The following DNAH5 variants were observed in gnomAD, a reference collection of about 807,000 sequenced individuals.
The protein encoded by DNAH5 is axonemal beta dynein heavy chain 5.
Under a neutral mutation model 518.2 loss-of-function variants are expected in DNAH5, and 372 were observed. That is an observed-to-expected ratio of 0.72 (90% CI 0.66 to 0.78). DNAH5 has a LOEUF of 0.78. Ranked by LOEUF, DNAH5 falls within the 30% of genes least tolerant of loss-of-function variation. The pLI, the probability that DNAH5 is intolerant of heterozygous loss-of-function variation, is 0.00. For synonymous variants in DNAH5, 2,039 were observed against 2,025.9 expected (o/e 1.01, Z -0.17); for missense variants, 5,523 against 5,687.0 (o/e 0.97, Z 0.93).
Position 13,913,945 on chromosome 5 carries a change from C to T in DNAH5, c.1334G>A (p.Cys445Tyr). ...AIKLKQEYQL[C>Y]FHKTKQKLKQ... ...AAGCTTTTGTTTTGTCTTGTGAAAG[C>T]AGAGCTGGTATTCCTTAAAATCAAA... The change falls in exon 11 of 79, where the codon TGC becomes TAC. Residue 445 changes from cysteine (C) to tyrosine (Y), a missense_variant. This residue lies in a region of DNAH5 where 5,121 missense variants were observed against 5,223.3 expected (regional missense o/e 0.98). Coordinates refer to ENST00000265104, the MANE Select transcript of DNAH5 (RefSeq NM_001369.3). 1 of 1,612,914 alleles carries T rather than the reference C, an allele frequency of 6.2e-7. No homozygotes were observed. The highest frequency in any genetic ancestry group is 8.5e-7 in the Non-Finnish European group (1 of 1,179,176).
At chr5:13,901,133 C>T (rs1774544895) in intron 14 of DNAH5, 119 bp downstream of exon 14, 1 of 1,024,380 alleles carries the variant, frequency 9.8e-7, no homozygotes, top group Non-Finnish European at 1.5e-6. Context: ...TTAGATTCAA[C>T]CCATCTGCCT....
rs368959723 is a variant in DNAH5 at position 13,753,316 on chromosome 5, C to G, written c.10789G>C (p.Ala3597Pro). 4 of 1,613,612 alleles carry G rather than the reference C, an allele frequency of 2.5e-6. No individual in the cohort carries two copies. The highest frequency in any genetic ancestry group is 1.3e-5 in the African/African-American group (1 of 74,892). ...SIQNGIIVTK[A>P]SRYPLLIDPQ... ...TCAATTAACAAAGGGTAACGAGATG[C>G]CTTCGTGACAATAATTCCATTTTGA... Residue 3597 changes from alanine (A) to proline (P), a missense_variant, in exon 63 of 79, where the codon GCA becomes CCA. Around this residue, in one of 3 missense-constraint regions of DNAH5, gnomAD observed 5,121 missense variants for 5,223.3 expected, o/e 0.98. Transcript: ENST00000265104.
chr5:13,807,705 T>C lies in DNAH5; in HGVS notation c.7773A>G (p.Glu2591=). 1 of 1,607,804 alleles carries C rather than the reference T, an allele frequency of 6.2e-7. No individual in the cohort carries two copies. Among genetic ancestry groups the C allele is most frequent in the Non-Finnish European group, 8.5e-7 (1 of 1,175,988 alleles). ...KQGKAVLLIG[E]QGTAKTVIIK... is the part of the protein sequence containing the mutation. ...TTATTACTGTTTTGGCTGTTCCTTG[T>C]TCACCAATTAATAGCACAGCCTAAA... is the stretch of plus-strand genomic sequence containing the variant. The change falls in exon 47 of 79, where the codon GAA becomes GAG. Residue 2591 remains glutamate (E), a synonymous_variant. Coordinates refer to ENST00000265104, the MANE Select transcript of DNAH5 (RefSeq NM_001369.3).
intron 47 of DNAH5, among the ~76,000 whole-genome samples, chr5:13,796,211 A>G (rs1431146459): frequency 6.6e-6 from 1 of 152,200 alleles, no homozygotes; most frequent in Non-Finnish European, 1.5e-5. Flanking sequence ...GCAATCAGGA[A>G]AGAGAAAGAA....
At chr5:13,777,834 C>T (rs1449077407) in intron 53 of DNAH5, among the ~76,000 whole-genome samples, 1 of 152,140 alleles carries the variant, frequency 6.6e-6, no homozygotes, top group Non-Finnish European at 1.5e-5. Context: ...ATCATCATTG[C>T]ATGTTTGTAT....
At chr5:13,777,498 T>C in intron 53 of DNAH5, 143 bp from the exon 54 acceptor site, 1 of 618,300 alleles carries the variant, frequency 1.6e-6, no homozygotes, top group East Asian at 2.8e-5. Flanking sequence ...ATATGAATGT[T>C]ACTGGTTAAT....
chr5:13,811,607 T>C (rs1760724938), intron 44 of DNAH5, 40 bp downstream of exon 44: 2 of 1,589,714 alleles, frequency 1.3e-6, no homozygotes, highest in African/African-American at 2.7e-5. Flanking sequence ...CATGGCTAAG[T>C]TGATAAGAGA....
intron 1 of DNAH5, among the ~76,000 whole-genome samples, chr5:13,972,333 C>T (rs1781933034): frequency 6.6e-6 from 1 of 152,166 alleles, no homozygotes; most frequent in African/African-American, 2.4e-5. Flanking sequence ...CCCTGTTCAC[C>T]CCTTCCCCGG....
Position 13,921,466 on chromosome 5 carries a change from A to ATCTC in DNAH5, c.660+637_660+640dup, listed in dbSNP as rs147710238. Among the ~76,000 whole-genome samples, 101 of 73,006 alleles carry ATCTC rather than the reference A, an allele frequency of 1.4e-3. 2 individuals are homozygous for ATCTC. In the South Asian group the frequency reaches 0.019, roughly 14 times the overall value. The allele number at this position is 73,006 out of a possible 152,430, so 47.9% of individuals were successfully genotyped here. ...TCTCTCTCTCTCTCTCTCTTGCTCT[A>ATCTC]TCTCTCTCTCACACACACACACACA... On this transcript the variant is annotated intron_variant, in intron 5 of 78. Transcript: ENST00000265104.
At chr5:13,972,611 G>A (rs996052820) in intron 1 of DNAH5, among the ~76,000 whole-genome samples, 2 of 152,190 alleles carry the variant, frequency 1.3e-5, no homozygotes, top group African/African-American at 4.8e-5. Context: ...TGGACCTTCA[G>A]GTTCCGCAGT....
Position 13,727,523 on chromosome 5 carries a change from T to C in DNAH5, c.12017A>G (p.Asp4006Gly). Residue 4006 changes from aspartate (D) to glycine (G), a missense_variant, in exon 70 of 79, where the codon GAC becomes GGC. By Grantham distance (94) the Asp-to-Gly change is moderately conservative. This residue lies in a region of DNAH5 where 5,121 missense variants were observed against 5,223.3 expected (regional missense o/e 0.98). Coordinates refer to ENST00000265104, the MANE Select transcript of DNAH5 (RefSeq NM_001369.3). ...RLLLIRSWCP[D>G]RTIAQARKYI... ...ACTTTTTACCTGGGCGATGGTTCTGTCAGGACACCAGGATCTAATAAGGAG... is the reference window on the plus strand; with the variant it reads ...ACTTTTTACCTGGGCGATGGTTCTGCCAGGACACCAGGATCTAATAAGGAG... 1.2e-6 allele frequency: 2 copies of C among 1,613,566 alleles called. No homozygotes were observed. The highest frequency in any genetic ancestry group is 8.5e-7 in the Non-Finnish European group (1 of 1,179,584).
rs1751974348 is a variant in DNAH5, at chr5:13,762,853, G to A, written c.10150C>T (p.Pro3384Ser). Residue 3384 changes from proline to serine, a missense_variant, in exon 60 of 79, where the codon CCT (proline) becomes TCT (serine). Coordinates refer to ENST00000265104, the MANE Select transcript of DNAH5 (RefSeq NM_001369.3). ...INEEVIEFLS[P>S]YFEMPDYNIE... is the part of the protein sequence containing the mutation. ...TTATAGTCAGGCATTTCAAAGTAAG[G>A]ACTCAAAAATTCTATCACCTCTTCA... 1 of 1,613,970 alleles carries A rather than the reference G, an allele frequency of 6.2e-7. No homozygotes were observed. Among genetic ancestry groups the A allele is most frequent in the South Asian group, 1.1e-5 (1 of 91,074 alleles).
At chr5:13,917,076 A>G in intron 8 of DNAH5, 67 bp downstream of exon 8, 1 of 1,242,762 alleles carries the variant, frequency 8.0e-7, no homozygotes, top group Non-Finnish European at 1.2e-6. Flanking sequence ...AACAAAATTC[A>G]ATATTCAATT....
At position 13,727,674 on chromosome 5, in the gene DNAH5, T is replaced by C; in HGVS notation, c.11884-18A>G. The stretch of plus-strand genomic sequence containing the variant: ...CTCGATATCTGAAAATACCATGGGA[T>C]AAAAACTGTGTCATGCCACCCAACA... On this transcript the variant is annotated intron_variant, in intron 69 of 78. Transcript: ENST00000265104. 1.2e-6 allele frequency: 2 copies of C among 1,613,624 alleles called. No homozygotes were observed. The highest frequency in any genetic ancestry group is 1.7e-6 in the Non-Finnish European group (2 of 1,179,608).
intron 6 of DNAH5, 74 bp downstream of exon 6, chr5:13,920,406 G>A (rs1777121599): frequency 3.2e-6 from 5 of 1,581,204 alleles, no homozygotes; most frequent in Non-Finnish European, 3.5e-6. Flanking sequence ...AATGTCGTAT[G>A]TCAATACACC....
intron 70 of DNAH5, among the ~76,000 whole-genome samples, chr5:13,724,480 C>G (rs1449700373): frequency 6.6e-6 from 1 of 152,070 alleles, no homozygotes; most frequent in African/African-American, 2.4e-5. Context: ...GGACTTTGGA[C>G]TTGATGCTGT....
At chr5:13,905,745 T>C (rs1300821830) in intron 12 of DNAH5, among the ~76,000 whole-genome samples, 1 of 152,228 alleles carries the variant, frequency 6.6e-6, no homozygotes, top group Non-Finnish European at 1.5e-5. Context: ...ACACTCATAC[T>C]ATATGATCCA....
At chr5:13,852,270 C>T (rs6876644) in intron 30 of DNAH5, among the ~76,000 whole-genome samples, 57,337 of 151,916 alleles carry the variant, frequency 0.38, 11,066 homozygotes, top group South Asian at 0.47. Context: ...CAGGTTCAAG[C>T]GATTCTCCTG....
chr5:13,799,864 A>G (rs1758464395), intron 47 of DNAH5, among the ~76,000 whole-genome samples: 1 of 152,224 alleles, frequency 6.6e-6, no homozygotes, highest in South Asian at 2.1e-4. Context: ...GGAAGTAGTT[A>G]TATATGCTAT....
Sources: allele counts gnomAD v4.1 joint callset (sites outside exome capture counted in the v4.1 genomes callset), GRCh38; gene constraint gnomAD v4.1.1; regional missense constraint gnomAD v4.1.1; transcripts MANE v1.5; gene names NCBI Gene and HGNC (gene_info 2026-07-23, HGNC 2026-07-21).